The following CEP83 variants were observed in gnomAD, a reference collection of about 807,000 sequenced individuals.
The protein encoded by CEP83 is centrosomal protein of 83 kDa.
In CEP83, 70 loss-of-function variants were observed where a neutral mutation model predicts 101.9. That is an observed-to-expected ratio of 0.69 (90% CI 0.57 to 0.84). The LOEUF (loss-of-function observed/expected upper bound fraction) is 0.84, where lower values mean the gene tolerates loss of function less well. CEP83 is among the 40% of genes least tolerant of loss of function. The pLI, the probability that CEP83 is intolerant of heterozygous loss-of-function variation, is 0.00. For missense variants in CEP83, 715 were observed against 787.2 expected, an observed-to-expected ratio of 0.91 and a Z score of 1.10; for synonymous variants, 264 against 267.9, an observed-to-expected ratio of 0.99 and a Z score of 0.14.
intron 14 of CEP83, among the ~76,000 whole-genome samples, chr12:94,319,378 G>A (rs1390522518): frequency 6.6e-6 from 1 of 152,004 alleles, no homozygotes; most frequent in Non-Finnish European, 1.5e-5. Context: ...TTGAATGGCT[G>A]TTCATGTTTT....
downstream of CEP83, chr12:94,307,274 G>C (rs766048360): frequency 6.6e-6 from 1 of 152,134 alleles, no homozygotes; most frequent in South Asian, 2.1e-4. Context: ...CACTGAGGTG[G>C]TATGAAGATT....
intron 6 of CEP83, among the ~76,000 whole-genome samples, chr12:94,399,245 A>T (rs1444942861): frequency 3.9e-5 from 6 of 152,138 alleles, no homozygotes; most frequent in Admixed American, 3.9e-4. Flanking sequence ...CAGTCCTACC[A>T]ATATGTGACG....
chr12:94,347,550 T>C (rs567736643), intron 11 of CEP83, among the ~76,000 whole-genome samples: 42 of 152,190 alleles, frequency 2.8e-4, no homozygotes, highest in Non-Finnish European at 4.1e-4. Context: ...AGTAATCCCA[T>C]TTCTAGGTAT....
chr12:94,442,541 A>C (rs1280872829), intron 1 of CEP83, among the ~76,000 whole-genome samples: 2 of 152,248 alleles, frequency 1.3e-5, no homozygotes, highest in Non-Finnish European at 2.9e-5. Context: ...TAGAAAAAAC[A>C]CGGAAAGAAA....
intron 2 of CEP83, among the ~76,000 whole-genome samples, chr12:94,416,057 C>T (rs1315902001): frequency 2.0e-5 from 3 of 151,822 alleles, no homozygotes; most frequent in Non-Finnish European, 4.4e-5. Flanking sequence ...ATCAGAAAAG[C>T]CACATATGCT....
intron 6 of CEP83, among the ~76,000 whole-genome samples, chr12:94,383,059 A>T (rs767962120): frequency 2.0e-5 from 3 of 152,050 alleles, no homozygotes; most frequent in Non-Finnish European, 2.9e-5. Context: ...ACATACATTT[A>T]GTATTCCTGT....
At chr12:94,412,693 CTTTTTT>C (rs11330562) in intron 2 of CEP83, 102 bp from the exon 3 acceptor site, 5 of 213,892 alleles carry the variant, frequency 2.3e-5, no homozygotes, top group Non-Finnish European at 4.1e-5. Context: ...TTTTTTTTTT[CTTTTTT>C]TTTTTTTTTT....
intron 1 of CEP83, among the ~76,000 whole-genome samples, chr12:94,455,770 C>A (rs529426771): frequency 6.6e-6 from 1 of 152,154 alleles, no homozygotes; most frequent in Non-Finnish European, 1.5e-5. Flanking sequence ...GTAGGCCGGG[C>A]GCATTGGCTC....
intron 4 of CEP83, among the ~76,000 whole-genome samples, chr12:94,404,119 G>A (rs1180277582): frequency 6.6e-6 from 1 of 152,110 alleles, no homozygotes; most frequent in Non-Finnish European, 1.5e-5. Context: ...CCACAGTATA[G>A]CTATGCTGAG....
In CEP83 at chr12:94,428,835, C is replaced by T. The variant is rs920979209; in HGVS notation, c.-102+6440G>A. Among the ~76,000 whole-genome samples the T allele has an allele frequency of 2.0e-5, 3 of 152,172 alleles. No individual in the cohort carries two copies. In the East Asian group the frequency reaches 5.8e-4, roughly 29 times the overall value. On this transcript the variant is annotated intron_variant, in intron 2 of 16. Coordinates refer to ENST00000397809, the MANE Select transcript of CEP83 (RefSeq NM_016122.3). ...ACAGACCATCAAGTCAAGCACACTTCTCATGAGGAAAGAAGAGCCTGCCCA... is the reference window on the plus strand; with the variant it reads ...ACAGACCATCAAGTCAAGCACACTTTTCATGAGGAAAGAAGAGCCTGCCCA...
chr12:94,284,183 G>C, the CEP83 span, among the ~76,000 whole-genome samples: 1 of 152,070 alleles, frequency 6.6e-6, no homozygotes, highest in Non-Finnish European at 1.5e-5. Flanking sequence ...AGCAATTTGG[G>C]GAGAGTCAGA....
intron 6 of CEP83, among the ~76,000 whole-genome samples, chr12:94,385,567 C>G (rs1332037749): frequency 6.6e-6 from 1 of 152,190 alleles, no homozygotes; most frequent in Non-Finnish European, 1.5e-5. Context: ...GGCATTTCCT[C>G]TGATTCTGTC....
chr12:94,272,737 G>A, the CEP83 span, among the ~76,000 whole-genome samples: 1 of 152,240 alleles, frequency 6.6e-6, no homozygotes, highest in Non-Finnish European at 1.5e-5. Context: ...AGCAGCAGAG[G>A]CTGGGAAATG....
Position 94,370,645 on chromosome 12 carries a change from T to C in CEP83, c.934-609A>G, listed in dbSNP as rs182352405. 4.6e-5 allele frequency among the ~76,000 whole-genome samples: 7 copies of C among 151,690 alleles called. 1 individual carries two copies. The highest frequency in any genetic ancestry group is 2.0e-4 in the Admixed American group (3 of 15,278). ...CACCTGCTTTGGCCTCCTAAAGTGC[T>C]AGGATTATAGTTGTAATCCACTGCA... On this transcript the variant is annotated intron_variant, in intron 8 of 16. Coordinates refer to ENST00000397809, the MANE Select transcript of CEP83 (RefSeq NM_016122.3).
At chr12:94,289,971 G>A in the CEP83 span, among the ~76,000 whole-genome samples, 1 of 152,234 alleles carries the variant, frequency 6.6e-6, no homozygotes, top group South Asian at 2.1e-4. Flanking sequence ...CCTGAGCACA[G>A]CACTAGCAGC....
chr12:94,343,553 A>C (rs1373878168), intron 11 of CEP83, among the ~76,000 whole-genome samples: 9 of 132,042 alleles, frequency 6.8e-5, no homozygotes, highest in African/African-American at 2.6e-4. Flanking sequence ...GCAGTGGCGC[A>C]ATCTCGGCTC....
intron 2 of CEP83, 102 bp from the exon 3 acceptor site, chr12:94,412,693 C>CCTT: frequency 9.4e-6 from 2 of 212,666 alleles, no homozygotes; most frequent in Non-Finnish European, 1.6e-5. Context: ...TTTTTTTTTT[C>CCTT]TTTTTTTTTT....
rs569496753 is a variant in CEP83, at chr12:94,347,114, C to T, written c.1344-11450G>A. Among the ~76,000 whole-genome samples, 5 of 151,266 alleles carry T rather than the reference C, an allele frequency of 3.3e-5. No homozygotes were observed. The East Asian group carries it at 5.8e-4, about 18-fold the overall frequency. On this transcript the variant is annotated intron_variant, in intron 11 of 16. Transcript: ENST00000397809. ...ACACATACACACACACACACATACA[C>T]ACACAAGTAAATGAAAAGGAAAGTC...
intron 14 of CEP83, among the ~76,000 whole-genome samples, chr12:94,322,623 G>T (rs1055161300): frequency 6.6e-6 from 1 of 152,212 alleles, no homozygotes; most frequent in African/African-American, 2.4e-5. Flanking sequence ...GTTGGGGTAT[G>T]GTTGTAGACC....
Sources: allele counts gnomAD v4.1 joint callset (sites outside exome capture counted in the v4.1 genomes callset), GRCh38; gene constraint gnomAD v4.1.1; transcripts MANE v1.5; gene names NCBI Gene and HGNC (gene_info 2026-07-23, HGNC 2026-07-21).